The following CARMIL1 variants were observed in gnomAD, a reference collection of about 807,000 sequenced individuals.
CARMIL1 encodes capping protein regulator and myosin 1 linker 1.
A neutral mutation model predicts 177.1 loss-of-function variants in CARMIL1; 90 were observed. The observed-to-expected ratio is 0.51, with a 90% confidence interval of 0.43 to 0.61. The LOEUF is 0.61. CARMIL1 is among the 20% of genes least tolerant of loss of function. CARMIL1 has a pLI of 0.00. For missense variants in CARMIL1, 1,380 were observed against 1,667.0 expected (o/e 0.83, Z 3.00); for synonymous variants, 577 against 606.2 (o/e 0.95, Z 0.71).
intron 24 of CARMIL1, among the ~76,000 whole-genome samples, chr6:25,533,429 T>G (rs553088409): frequency 6.6e-6 from 1 of 152,230 alleles, no homozygotes; most frequent in South Asian, 2.1e-4. Context: ...ATCTGTTTAT[T>G]GGGGATGATG....
intron 2 of CARMIL1, among the ~76,000 whole-genome samples, chr6:25,353,981 C>T (rs1788339149): frequency 6.6e-6 from 1 of 152,152 alleles, no homozygotes; most frequent in Admixed American, 6.5e-5. Flanking sequence ...TGGGGTGCTA[C>T]TGGCATCTAT....
At chr6:25,588,716 A>G (rs369959004) in intron 31 of CARMIL1, among the ~76,000 whole-genome samples, 20 of 152,336 alleles carry the variant, frequency 1.3e-4, no homozygotes, top group East Asian at 9.6e-4. Context: ...TCATTGAAAA[A>G]TTTGCATAGA....
At chr6:25,403,416 A>G (rs367797937) in intron 2 of CARMIL1, among the ~76,000 whole-genome samples, 4 of 152,006 alleles carry the variant, frequency 2.6e-5, no homozygotes, top group Admixed American at 2.0e-4. Flanking sequence ...CTCACCCAAC[A>G]TGGCAGTCAG....
chr6:25,532,461 T>G (rs1469391822), intron 24 of CARMIL1, among the ~76,000 whole-genome samples: 2 of 152,218 alleles, frequency 1.3e-5, no homozygotes, highest in African/African-American at 4.8e-5. Context: ...CTTTGGGAAT[T>G]TCTTAGGACA....
chr6:25,504,728 G>C (rs375100795), intron 17 of CARMIL1, among the ~76,000 whole-genome samples: 1 of 151,998 alleles, frequency 6.6e-6, no homozygotes, highest in Non-Finnish European at 1.5e-5. Flanking sequence ...TGGTCTTTTA[G>C]TACTGAAAAG....
intron 2 of CARMIL1, among the ~76,000 whole-genome samples, chr6:25,307,140 C>T (rs1783339661): frequency 6.6e-6 from 1 of 152,276 alleles, no homozygotes; most frequent in South Asian, 2.1e-4. Context: ...CTTGGTCTCC[C>T]AAAGTGCTGG....
intron 2 of CARMIL1, among the ~76,000 whole-genome samples, chr6:25,329,799 A>G (rs1459118763): frequency 2.0e-5 from 3 of 152,240 alleles, no homozygotes; most frequent in Non-Finnish European, 4.4e-5. Context: ...AGGGTTGAAG[A>G]AAACAATGAA....
chr6:25,498,365 T>C (rs568971551), intron 16 of CARMIL1, among the ~76,000 whole-genome samples: 2 of 152,282 alleles, frequency 1.3e-5, no homozygotes, highest in Non-Finnish European at 2.9e-5. Flanking sequence ...TATTTTGCTA[T>C]AGAATTTTTC....
chr6:25,529,518 A>G (rs1489545637), intron 24 of CARMIL1, among the ~76,000 whole-genome samples: 1 of 152,214 alleles, frequency 6.6e-6, no homozygotes, highest in Non-Finnish European at 1.5e-5. Flanking sequence ...AAAACAATCT[A>G]TGTGTCAAAG....
At chr6:25,430,034 T>C (rs937827751) in intron 4 of CARMIL1, among the ~76,000 whole-genome samples, 2 of 151,864 alleles carry the variant, frequency 1.3e-5, no homozygotes, top group Admixed American at 6.6e-5. Context: ...TTAGTAGATA[T>C]GGGGTTTCAC....
chr6:25,580,959 C>G lies in CARMIL1; in HGVS notation c.2778C>G (p.Ser926Arg), dbSNP rs1813064053. 1.2e-6 allele frequency: 2 copies of G among 1,601,408 alleles called. No homozygotes were observed. The highest frequency in any genetic ancestry group is 8.5e-7 in the Non-Finnish European group (1 of 1,173,422). The change falls in exon 30 of 37, where the codon AGC becomes AGG. Residue 926 changes from serine to arginine, a missense_variant. Transcript: ENST00000329474. The stretch of plus-strand genomic sequence containing the variant: ...AATCCAAAAGGAAGAGTATCCATAG[C>G]CGAATGCTGCGGCCTGTTTCTAGGG... ...TPKSKRKSIH[S>R]RMLRPVSRAF...
intron 2 of CARMIL1, among the ~76,000 whole-genome samples, chr6:25,317,782 C>G (rs1420094694): frequency 6.6e-6 from 1 of 151,988 alleles, no homozygotes; most frequent in Non-Finnish European, 1.5e-5. Context: ...CCAGGTTGAT[C>G]TAGAACTCCT....
At chr6:25,594,584 C>A in intron 32 of CARMIL1, 57 bp downstream of exon 32, 2 of 971,440 alleles carry the variant, frequency 2.1e-6, no homozygotes, top group Non-Finnish European at 3.2e-6. Context: ...AAATTACTAA[C>A]AGTTACAATT....
chr6:25,440,871 C>CTTAGGGTA (rs1169102978), intron 5 of CARMIL1, among the ~76,000 whole-genome samples: 2 of 151,870 alleles, frequency 1.3e-5, no homozygotes, highest in Non-Finnish European at 2.9e-5. Context: ...TCCTTCCTTG[C>CTTAGGGTA]TTAGGGTACC....
Position 25,542,793 on chromosome 6 carries a change from T to TAA in CARMIL1, c.2328+2722_2328+2723dup, listed in dbSNP as rs376893718. On this transcript the variant is annotated intron_variant, in intron 26 of 36. Coordinates refer to ENST00000329474, the MANE Select transcript of CARMIL1 (RefSeq NM_017640.6). ...TGACAAGTGGACAACCTTTTACTAT[T>TAA]AAAAAAAATACCATTTGTCTATATA... Among the ~76,000 whole-genome samples, 377 of 152,068 alleles carry TAA rather than the reference T, an allele frequency of 2.5e-3. 2 individuals are homozygous for TAA. Among genetic ancestry groups the TAA allele is most frequent in the Non-Finnish European group, 3.3e-3 (221 of 67,938 alleles).
At chr6:25,529,041 G>A (rs1484635941) in intron 24 of CARMIL1, 148 bp downstream of exon 24, 1 of 631,702 alleles carries the variant, frequency 1.6e-6, no homozygotes, top group African/African-American at 1.8e-5. Flanking sequence ...TTTGAGGGAA[G>A]ATACTGAAGG....
At chr6:25,417,225 C>T (rs115051286) in intron 2 of CARMIL1, among the ~76,000 whole-genome samples, 3,177 of 152,170 alleles carry the variant, frequency 0.021, 110 homozygotes, top group African/African-American at 0.069. Flanking sequence ...GTATTCCGCT[C>T]CCCAGACCTA....
chr6:25,573,590 C>CAAAAAA (rs5875051), intron 29 of CARMIL1, among the ~76,000 whole-genome samples: 10 of 69,938 alleles, frequency 1.4e-4, no homozygotes, highest in Non-Finnish European at 1.8e-4. Flanking sequence ...TACCTCTAAG[C>CAAAAAA]AAAAAAAAAA....
chr6:25,515,074 A>G lies in CARMIL1; in HGVS notation c.1633-601A>G, dbSNP rs1335095849. Reference sequence around the variant, plus strand: ...ATCCTAGTTCAGGTGCTTTCTAACAATGTAACCTTGGTTGAGTCACCTAAC... The same window carrying G: ...ATCCTAGTTCAGGTGCTTTCTAACAGTGTAACCTTGGTTGAGTCACCTAAC... On this transcript the variant is annotated intron_variant, in intron 20 of 36. Coordinates refer to ENST00000329474, the MANE Select transcript of CARMIL1 (RefSeq NM_017640.6). The surrounding 1 kb of genome is among the most constrained non-coding windows in gnomAD (Gnocchi z 5.0). Among the ~76,000 whole-genome samples the G allele has an allele frequency of 6.6e-6, 1 of 152,262 alleles. No individual in the cohort carries two copies. Among genetic ancestry groups the G allele is most frequent in the Non-Finnish European group, 1.5e-5 (1 of 68,042 alleles).
Sources: allele counts gnomAD v4.1 joint callset (sites outside exome capture counted in the v4.1 genomes callset), GRCh38; gene constraint gnomAD v4.1.1; non-coding constraint Gnocchi (gnomAD v3.1); transcripts MANE v1.5; gene names NCBI Gene and HGNC (gene_info 2026-07-23, HGNC 2026-07-21).